BUD13: variants seen among roughly 807,000 people sequenced by gnomAD.
BUD13 encodes BUD13 homolog.
BUD13 carries 47 observed loss-of-function variants against 62.5 expected under a neutral mutation model. That is an observed-to-expected ratio of 0.75 (90% CI 0.60 to 0.96). The LOEUF (loss-of-function observed/expected upper bound fraction) is 0.96, where lower values mean the gene tolerates loss of function less well. Ranked by LOEUF, BUD13 falls within the 40% of genes least tolerant of loss-of-function variation. BUD13 has a pLI of 0.00. For missense variants in BUD13, 821 were observed against 790.9 expected, an observed-to-expected ratio of 1.04 and a Z score of -0.46; for synonymous variants, 293 against 280.1, an observed-to-expected ratio of 1.05 and a Z score of -0.46.
At chr11:116,762,301 T>A (rs1027508745) in intron 4 of BUD13, among the ~76,000 whole-genome samples, 1 of 152,234 alleles carries the variant, frequency 6.6e-6, no homozygotes, top group African/African-American at 2.4e-5. Context: ...TATCTTTATA[T>A]ACTTCTGTAC....
intron 2 of BUD13, among the ~76,000 whole-genome samples, chr11:116,766,581 C>A (rs1208320079): frequency 6.6e-6 from 1 of 152,216 alleles, no homozygotes; most frequent in Non-Finnish European, 1.5e-5. Flanking sequence ...TTATTCTAAG[C>A]CTCAATTTCC....
rs946526705 is a variant in BUD13, at chr11:116,755,591, A to C, written c.1766+1555T>G. Among the ~76,000 whole-genome samples the C allele has an allele frequency of 1.2e-4, 19 of 152,328 alleles. 1 individual carries two copies. Among genetic ancestry groups the C allele is most frequent in the African/African-American group, 4.3e-4 (18 of 41,576 alleles). ...AAATATAATATGCCTTCTCTTTCTA[A>C]CTACCTATGTGTGAGGCTAAATTTT... On this transcript the variant is annotated intron_variant, in intron 9 of 9. Coordinates refer to ENST00000260210, the MANE Select transcript of BUD13 (RefSeq NM_032725.4).
intron 4 of BUD13, 118 bp from the exon 5 acceptor site, chr11:116,761,070 ATT>A (rs374312645): frequency 1.8e-3 from 1,162 of 630,356 alleles, no homozygotes; most frequent in Middle Eastern, 3.0e-3. Context: ...CATTATTATT[ATT>A]TTTTTTTTTT....
chr11:116,770,237 G>T lies in BUD13; in HGVS notation c.144-15C>A. On this transcript the variant is annotated splice_polypyrimidine_tract_variant and intron_variant, in intron 1 of 9. Transcript: ENST00000260210. ...CAATCCGCATTCTAAATGAGAATAA[G>T]AAGATCAAAAAGAGTCATTCTAGGA... The T allele has an allele frequency of 6.3e-7, 1 of 1,595,220 alleles. No homozygotes were observed.
intron 3 of BUD13, among the ~76,000 whole-genome samples, chr11:116,764,240 C>T (rs1315663344): frequency 6.6e-6 from 1 of 152,206 alleles, no homozygotes; most frequent in East Asian, 1.9e-4. Flanking sequence ...TGTCATTGAG[C>T]TCCACAGCCC....
chr11:116,759,196 G>A lies in BUD13; in HGVS notation c.1255-17C>T, dbSNP rs1940388203. 6.3e-7 allele frequency: 1 copy of A among 1,585,122 alleles called. No individual in the cohort carries two copies. Reference sequence around the variant, plus strand: ...GTGTGCAGCCTATGCAACGGAAAAGGGAGCATCCAACATTAATGAGATGAT... The same window carrying A: ...GTGTGCAGCCTATGCAACGGAAAAGAGAGCATCCAACATTAATGAGATGAT... On this transcript the variant is annotated splice_polypyrimidine_tract_variant and intron_variant, in intron 5 of 9. Transcript: ENST00000260210.
intron 2 of BUD13, among the ~76,000 whole-genome samples, chr11:116,769,543 A>G (rs559049884): frequency 5.3e-5 from 8 of 152,340 alleles, no homozygotes; most frequent in African/African-American, 1.9e-4. Flanking sequence ...AAAATGAACC[A>G]CAGCTAAGTC....
intron 9 of BUD13, among the ~76,000 whole-genome samples, chr11:116,750,310 G>A (rs921242836): frequency 6.6e-6 from 1 of 152,186 alleles, no homozygotes; most frequent in East Asian, 1.9e-4. Context: ...ATTTCAAGGA[G>A]GTAGTGAGTG....
intron 9 of BUD13, 23 bp from the exon 10 acceptor site, chr11:116,748,598 A>G (rs761835864): frequency 6.2e-7 from 1 of 1,609,060 alleles, no homozygotes; most frequent in South Asian, 1.1e-5. Context: ...GAGACATACT[A>G]TTCAGCTAGA....
chr11:116,754,029 C>T (rs1940284796), intron 9 of BUD13, among the ~76,000 whole-genome samples: 1 of 152,162 alleles, frequency 6.6e-6, no homozygotes, highest in Non-Finnish European at 1.5e-5. Flanking sequence ...CCATAAAACA[C>T]ACCTTAACAA....
chr11:116,748,980 CAAAAAAAAAAAA>C (rs58988682), intron 9 of BUD13, among the ~76,000 whole-genome samples: 1 of 87,016 alleles, frequency 1.1e-5, no homozygotes, highest in South Asian at 3.9e-4. Flanking sequence ...GACTCTGTCT[CAAAAAAAAAAAA>C]AAAAAAAAAG....
At chr11:116,757,263 T>C (rs761071244) in intron 8 of BUD13, 36 bp from the exon 9 acceptor site, 4 of 1,566,494 alleles carry the variant, frequency 2.6e-6, no homozygotes, top group Non-Finnish European at 2.6e-6. Context: ...ATTCAGTTAA[T>C]GACATAGTTT....
In BUD13 at chr11:116,757,065, T is replaced by C. The variant is rs1940338892; in HGVS notation, c.1766+81A>G. 3.8e-6 allele frequency: 5 copies of C among 1,327,924 alleles called. No homozygotes were observed. In the South Asian group the frequency reaches 4.9e-5, roughly 13 times the overall value. The allele number at this position is 1,327,924 out of a possible 1,614,324, so 82.3% of individuals were successfully genotyped here. Reference sequence around the variant, plus strand: ...TTCACCTTGTGATTAAAGCAGAGAATGAAATAAAGTGTGGAGCAACTTACG... The same window carrying C: ...TTCACCTTGTGATTAAAGCAGAGAACGAAATAAAGTGTGGAGCAACTTACG... On this transcript the variant is annotated intron_variant, in intron 9 of 9. Coordinates refer to ENST00000260210, the MANE Select transcript of BUD13 (RefSeq NM_032725.4).
At chr11:116,752,328 T>C (rs1241654577) in intron 9 of BUD13, among the ~76,000 whole-genome samples, 1 of 152,136 alleles carries the variant, frequency 6.6e-6, no homozygotes, top group Admixed American at 6.5e-5. Flanking sequence ...TCCGGAAATA[T>C]TCCCTTGCAG....
At chr11:116,767,674 T>C (rs1232317994) in intron 2 of BUD13, among the ~76,000 whole-genome samples, 2 of 151,580 alleles carry the variant, frequency 1.3e-5, no homozygotes, top group African/African-American at 4.8e-5. Context: ...TTTTGTTTTG[T>C]TAATAATCCT....
intron 9 of BUD13, among the ~76,000 whole-genome samples, chr11:116,750,607 T>C (rs916816646): frequency 1.6e-4 from 25 of 152,148 alleles, no homozygotes; most frequent in African/African-American, 4.8e-4. Flanking sequence ...TAACCATCCT[T>C]ACTACCACTG....
Position 116,757,783 on chromosome 11 carries a change from T to C in BUD13, c.1667A>G (p.Glu556Gly). The C allele has an allele frequency of 6.2e-7, 1 of 1,611,004 alleles. No individual in the cohort carries two copies. The highest frequency in any genetic ancestry group is 8.5e-7 in the Non-Finnish European group (1 of 1,179,268). The change falls in exon 8 of 10, where the codon GAG becomes GGG. Residue 556 changes from glutamate to glycine, a missense_variant. Physicochemically the swap from Glu to Gly is moderately conservative, Grantham distance 98 (BLOSUM62 -2). Transcript: ENST00000260210. ...ANFIKKNKAK[E>G]NKNKKVRPRY... ...AGTCCCACCTTTTTTATTCTTGTTCTCCTTGGCCTTATTCTTCTTGATGAA... is the reference window on the plus strand; with the variant it reads ...AGTCCCACCTTTTTTATTCTTGTTCCCCTTGGCCTTATTCTTCTTGATGAA...
chr11:116,767,045 G>A (rs1940542906), intron 2 of BUD13, among the ~76,000 whole-genome samples: 1 of 151,832 alleles, frequency 6.6e-6, no homozygotes, highest in Non-Finnish European at 1.5e-5. Flanking sequence ...AAAATTAGCT[G>A]GGCATGGTGG....
Position 116,759,181 on chromosome 11 carries a change from T to C in BUD13, c.1255-2A>G. On this transcript the variant is annotated splice_acceptor_variant, in intron 5 of 9. Coordinates refer to ENST00000260210, the MANE Select transcript of BUD13 (RefSeq NM_032725.4). LOFTEE classifies it high-confidence loss of function. ...AGCCCCAGAATACATGTGTGCAGCC[T>C]ATGCAACGGAAAAGGGAGCATCCAA... 1 of 1,611,764 alleles carries C rather than the reference T, an allele frequency of 6.2e-7. No individual in the cohort carries two copies. Among genetic ancestry groups the C allele is most frequent in the Non-Finnish European group, 8.5e-7 (1 of 1,177,890 alleles).
Sources: allele counts gnomAD v4.1 joint callset (sites outside exome capture counted in the v4.1 genomes callset), GRCh38; gene constraint gnomAD v4.1.1; transcripts MANE v1.5; gene names NCBI Gene and HGNC (gene_info 2026-07-23, HGNC 2026-07-21).